Variants in CEP83 observed in about 807,000 individuals in gnomAD.
CEP83 encodes centrosomal protein of 83 kDa.
Under a neutral mutation model 101.9 loss-of-function variants are expected in CEP83, and 70 were observed. That is an observed-to-expected ratio of 0.69 (90% CI 0.57 to 0.84). CEP83 has a LOEUF of 0.84. Ranked by LOEUF, CEP83 falls within the 40% of genes least tolerant of loss-of-function variation. The pLI is 0.00. For synonymous variants in CEP83, 264 were observed against 267.9 expected (o/e 0.99, Z 0.14); for missense variants, 715 against 787.2 (o/e 0.91, Z 1.10).
the CEP83 span, among the ~76,000 whole-genome samples, chr12:94,278,793 T>C: frequency 6.6e-6 from 1 of 152,080 alleles, no homozygotes; most frequent in African/African-American, 2.4e-5. Flanking sequence ...GTCAGGACTT[T>C]GAGACCAGCC....
the CEP83 span, among the ~76,000 whole-genome samples, chr12:94,287,041 C>A: frequency 1.3e-5 from 2 of 152,172 alleles, no homozygotes; most frequent in Non-Finnish European, 2.9e-5. Context: ...ATGACAATAA[C>A]CATGGCAGCC....
chr12:94,339,393 T>G (rs921324536), intron 11 of CEP83, among the ~76,000 whole-genome samples: 2 of 152,194 alleles, frequency 1.3e-5, no homozygotes, highest in African/African-American at 2.4e-5. Context: ...GGTGGAAATA[T>G]TCTACAATCT....
intron 11 of CEP83, among the ~76,000 whole-genome samples, chr12:94,348,241 TACTTTTCAAAAGGAGG>T (rs903484176): frequency 9.2e-5 from 14 of 152,012 alleles, no homozygotes; most frequent in African/African-American, 3.1e-4. Flanking sequence ...AAAAGAGGTC[TACTTTTCAAAAGGAGG>T]AGCATAGTGG....
chr12:94,384,618 G>A (rs925157803), intron 6 of CEP83, among the ~76,000 whole-genome samples: 3 of 152,074 alleles, frequency 2.0e-5, no homozygotes, highest in Non-Finnish European at 4.4e-5. Context: ...TTCAGATTGG[G>A]TAATTTCTAA....
intron 1 of CEP83, among the ~76,000 whole-genome samples, chr12:94,458,278 T>C (rs1262040640): frequency 4.6e-5 from 7 of 152,134 alleles, no homozygotes; most frequent in Non-Finnish European, 8.8e-5. Context: ...TAAATTGTAT[T>C]TCACTATTAT....
intron 1 of CEP83, among the ~76,000 whole-genome samples, chr12:94,455,292 G>A (rs777017664): frequency 6.6e-6 from 1 of 152,170 alleles, no homozygotes; most frequent in Non-Finnish European, 1.5e-5. Flanking sequence ...CTTGAGAGAG[G>A]CTGAATATGA....
At chr12:94,276,091 A>G in the CEP83 span, among the ~76,000 whole-genome samples, 1 of 152,156 alleles carries the variant, frequency 6.6e-6, no homozygotes, top group African/African-American at 2.4e-5. Flanking sequence ...TTTTAAAAAG[A>G]ACATTTATTG....
chr12:94,413,503 T>C (rs1014675639), intron 2 of CEP83, among the ~76,000 whole-genome samples: 2 of 152,196 alleles, frequency 1.3e-5, no homozygotes, highest in African/African-American at 4.8e-5. Flanking sequence ...CTTCAAAAGG[T>C]GACCTTCAGC....
chr12:94,348,015 TAATA>T (rs2060019054), intron 11 of CEP83, among the ~76,000 whole-genome samples: 1 of 152,100 alleles, frequency 6.6e-6, no homozygotes, highest in Non-Finnish European at 1.5e-5. Context: ...CCAGTCGATC[TAATA>T]AATAAACCAA....
intron 2 of CEP83, chr12:94,424,479 T>A (rs1355130439): frequency 5.0e-6 from 8 of 1,613,748 alleles, no homozygotes; most frequent in South Asian, 2.2e-5. Flanking sequence ...AGGATACGGG[T>A]GGAGATAACC....
chr12:94,355,450 C>G (rs1012573233), intron 11 of CEP83, among the ~76,000 whole-genome samples: 76 of 152,082 alleles, frequency 5.0e-4, no homozygotes, highest in African/African-American at 1.8e-3. Flanking sequence ...CAGATCGCAC[C>G]ACTGCACTCC....
Position 94,384,961 on chromosome 12 carries a change from A to G in CEP83, c.550-5919T>C, listed in dbSNP as rs147457343. Among the ~76,000 whole-genome samples, 221 of 152,302 alleles carry G rather than the reference A, an allele frequency of 1.5e-3. 1 individual carries two copies. Among genetic ancestry groups the G allele is most frequent in the African/African-American group, 4.7e-3 (194 of 41,568 alleles). On this transcript the variant is annotated intron_variant, in intron 6 of 16. Coordinates refer to ENST00000397809, the MANE Select transcript of CEP83 (RefSeq NM_016122.3). ...TTCGTGGTGTGACAAGCAATTTTCA[A>G]TGGAAACTTGGACATTTGGGGAATT...
intron 1 of CEP83, among the ~76,000 whole-genome samples, chr12:94,441,005 A>G (rs2066360112): frequency 6.6e-6 from 1 of 152,162 alleles, no homozygotes; most frequent in Admixed American, 6.6e-5. Flanking sequence ...TGGAATCTCA[A>G]CTCTCACCTT....
In CEP83 at chr12:94,403,244, A is replaced by G. The variant is rs776177706; in HGVS notation, c.343T>C (p.Leu115=). The change falls in exon 5 of 17, where the codon TTG becomes CTG. Residue 115 remains leucine (L), a synonymous_variant. Coordinates refer to ENST00000397809, the MANE Select transcript of CEP83 (RefSeq NM_016122.3). ...MKLQILTPQK[L]ELLRAQIQQE... ...TGTATTTGGGCTCTTAGCAATTCCA[A>G]TTTTTGTGGAGTTAATATCTAATAT... The G allele has an allele frequency of 1.2e-5, 19 of 1,532,720 alleles. No homozygotes were observed. The Admixed American group carries it at 2.5e-4, about 20-fold the overall frequency. The allele number at this position is 1,532,720 out of a possible 1,614,324, so 94.9% of individuals were successfully genotyped here. A position where few individuals can be genotyped will look rare whatever the true frequency, so the allele number is the denominator to read the frequency against.
chr12:94,327,339 C>T (rs1490982796), intron 14 of CEP83, among the ~76,000 whole-genome samples: 1 of 152,150 alleles, frequency 6.6e-6, no homozygotes, highest in East Asian at 1.9e-4. Flanking sequence ...ACTTTCTTTA[C>T]CTTTGGTTCC....
intron 11 of CEP83, among the ~76,000 whole-genome samples, chr12:94,359,328 A>G (rs2060632817): frequency 1.3e-5 from 2 of 152,248 alleles, no homozygotes; most frequent in Admixed American, 1.3e-4. Context: ...CTAAAAAACT[A>G]TAAAATATCA....
rs537323835 is a variant in CEP83, at chr12:94,350,143, T to C, written c.1344-14479A>G. ...TTTTGCACAGAAATAGAAAAATCTATCCTAAAATTCGTATGGAATCTCAAG... is the reference window on the plus strand; with the variant it reads ...TTTTGCACAGAAATAGAAAAATCTACCCTAAAATTCGTATGGAATCTCAAG... On this transcript the variant is annotated intron_variant, in intron 11 of 16. Coordinates refer to ENST00000397809, the MANE Select transcript of CEP83 (RefSeq NM_016122.3). Among the ~76,000 whole-genome samples, 6 of 152,244 alleles carry C rather than the reference T, an allele frequency of 3.9e-5. No homozygotes were observed. The South Asian group carries it at 1.2e-3, about 32-fold the overall frequency.
chr12:94,312,455 G>T, intron 15 of CEP83: 1 of 397,410 alleles, frequency 2.5e-6, no homozygotes, highest in Non-Finnish European at 3.4e-6. Context: ...AACTTAATAT[G>T]ACAAATCTCT....
chr12:94,377,109 C>T (rs1344550838), intron 7 of CEP83, among the ~76,000 whole-genome samples: 1 of 152,048 alleles, frequency 6.6e-6, no homozygotes, highest in African/African-American at 2.4e-5. Context: ...CATCTCATTT[C>T]GTACATATAG....
Sources: allele counts gnomAD v4.1 joint callset (sites outside exome capture counted in the v4.1 genomes callset), GRCh38; gene constraint gnomAD v4.1.1; transcripts MANE v1.5; gene names NCBI Gene and HGNC (gene_info 2026-07-23, HGNC 2026-07-21).